LHFPL3: variants seen among roughly 807,000 people sequenced by gnomAD.
LHFPL3 encodes LHFPL tetraspan subfamily member 3 protein.
Under a neutral mutation model 19.3 loss-of-function variants are expected in LHFPL3, and 5 were observed. The ratio of observed to expected loss-of-function variants is 0.26; its 90% CI spans 0.14 to 0.54. The LOEUF is 0.54. Ranked by LOEUF, LHFPL3 falls within the 20% of genes least tolerant of loss-of-function variation. The pLI, the probability that LHFPL3 is intolerant of heterozygous loss-of-function variation, is 0.94. For missense variants in LHFPL3, 249 were observed against 307.4 expected (o/e 0.81, Z 1.42); for synonymous variants, 133 against 126.2 (o/e 1.05, Z -0.36).
At chr7:104,808,333 C>T (rs139531645) in intron 2 of LHFPL3, among the ~76,000 whole-genome samples, 84 of 152,322 alleles carry the variant, frequency 5.5e-4, no homozygotes, top group East Asian at 4.4e-3. Flanking sequence ...TATTATTAAT[C>T]TCATTTCAAA....
chr7:104,428,589 C>T (rs991780456), intron 1 of LHFPL3, among the ~76,000 whole-genome samples: 1 of 152,164 alleles, frequency 6.6e-6, no homozygotes. Flanking sequence ...TCTTACAGTA[C>T]AAAACGTCTA....
At chr7:104,797,027 G>A (rs1283141619) in intron 2 of LHFPL3, 1 of 152,570 alleles carries the variant, frequency 6.6e-6, no homozygotes, top group Admixed American at 6.5e-5. Context: ...ATTGTATCTC[G>A]TCTTCTTTCC....
intron 1 of LHFPL3, among the ~76,000 whole-genome samples, chr7:104,417,378 A>G (rs558577176): frequency 2.8e-4 from 43 of 152,342 alleles, no homozygotes; most frequent in African/African-American, 9.4e-4. Context: ...TATTCCCAAT[A>G]TTAAGTGATT....
chr7:104,687,030 A>G (rs759286497), intron 1 of LHFPL3, among the ~76,000 whole-genome samples: 1 of 152,124 alleles, frequency 6.6e-6, no homozygotes, highest in African/African-American at 2.4e-5. Context: ...CCCCCAACAC[A>G]TGGGGATTGC....
intron 1 of LHFPL3, among the ~76,000 whole-genome samples, chr7:104,443,045 C>G (rs930999849): frequency 6.6e-6 from 1 of 152,052 alleles, no homozygotes; most frequent in African/African-American, 2.4e-5. Flanking sequence ...TGGAAGAGTA[C>G]CAATAGTTTA....
intron 2 of LHFPL3, among the ~76,000 whole-genome samples, chr7:104,903,441 C>G (rs1026378821): frequency 6.6e-6 from 1 of 151,220 alleles, no homozygotes; most frequent in African/African-American, 2.4e-5. Flanking sequence ...TGTGGTCTCC[C>G]TATTCATCCT....
At chr7:104,656,505 A>G (rs1467120653) in intron 1 of LHFPL3, among the ~76,000 whole-genome samples, 1 of 152,234 alleles carries the variant, frequency 6.6e-6, no homozygotes. Flanking sequence ...CCAGCTGATC[A>G]GATCTCCCAG....
intron 1 of LHFPL3, among the ~76,000 whole-genome samples, chr7:104,425,191 T>C (rs1791820580): frequency 6.6e-6 from 1 of 151,236 alleles, no homozygotes; most frequent in Non-Finnish European, 1.5e-5. Flanking sequence ...GGGAATGAGA[T>C]AGGAAGCAGA....
chr7:104,456,503 C>T (rs77140962), intron 1 of LHFPL3, among the ~76,000 whole-genome samples: 4,014 of 152,202 alleles, frequency 0.026, 161 homozygotes, highest in African/African-American at 0.091. Flanking sequence ...ATAAACTGTG[C>T]GTGGATTTCT....
intron 2 of LHFPL3, among the ~76,000 whole-genome samples, chr7:104,840,026 AGATT>A (rs906404413): frequency 3.5e-5 from 5 of 144,126 alleles, no homozygotes; most frequent in African/African-American, 1.2e-4. Flanking sequence ...ATACATATTA[AGATT>A]AATTGACAAT....
intron 1 of LHFPL3, among the ~76,000 whole-genome samples, chr7:104,635,072 A>G (rs1791707190): frequency 6.6e-6 from 1 of 152,224 alleles, no homozygotes; most frequent in Non-Finnish European, 1.5e-5. Flanking sequence ...ATTAAAGAAT[A>G]TGTAAAAACA....
chr7:104,478,888 C>T (rs981946740), intron 1 of LHFPL3, among the ~76,000 whole-genome samples: 4 of 152,172 alleles, frequency 2.6e-5, no homozygotes, highest in African/African-American at 9.7e-5. Context: ...ACCAGGACAA[C>T]ATTGCCCCGG....
chr7:104,872,408 G>T (rs893360944), intron 2 of LHFPL3, among the ~76,000 whole-genome samples: 1 of 151,950 alleles, frequency 6.6e-6, no homozygotes, highest in African/African-American at 2.4e-5. Context: ...ACTTTAGGAG[G>T]CCAAGGTGGG....
chr7:104,333,146 G>C (rs1801602867), intron 1 of LHFPL3, among the ~76,000 whole-genome samples: 1 of 152,154 alleles, frequency 6.6e-6, no homozygotes, highest in Non-Finnish European at 1.5e-5. Context: ...TGGTTTCTGA[G>C]TCTACTAATA....
chr7:104,522,993 TGC>T (rs1271599563), intron 1 of LHFPL3, among the ~76,000 whole-genome samples: 1 of 150,784 alleles, frequency 6.6e-6, no homozygotes, highest in African/African-American at 2.4e-5. Context: ...TGTGTGTGTA[TGC>T]ACACATATAT....
At chr7:104,530,903 T>C (rs1415200943) in intron 1 of LHFPL3, among the ~76,000 whole-genome samples, 1 of 152,232 alleles carries the variant, frequency 6.6e-6, no homozygotes, top group Non-Finnish European at 1.5e-5. Flanking sequence ...GTACACGATA[T>C]CGATTTACAC....
At chr7:104,864,670 G>C (rs1003161458) in intron 2 of LHFPL3, among the ~76,000 whole-genome samples, 1 of 152,202 alleles carries the variant, frequency 6.6e-6, no homozygotes, top group Non-Finnish European at 1.5e-5. Flanking sequence ...CTGGGGGCAG[G>C]CCATTGCCAA....
intron 1 of LHFPL3, among the ~76,000 whole-genome samples, chr7:104,735,922 G>C (rs1490401443): frequency 2.0e-5 from 3 of 152,234 alleles, no homozygotes; most frequent in Non-Finnish European, 4.4e-5. Flanking sequence ...TGTGAAGAGT[G>C]CTGTAATAAC....
chr7:104,416,426 A>G (rs1290626973), intron 1 of LHFPL3, among the ~76,000 whole-genome samples: 2 of 152,304 alleles, frequency 1.3e-5, no homozygotes, highest in East Asian at 3.9e-4. Flanking sequence ...ACCACCCATC[A>G]CTGTATCACC....
Sources: allele counts gnomAD v4.1 joint callset (sites outside exome capture counted in the v4.1 genomes callset), GRCh38; gene constraint gnomAD v4.1.1; transcripts MANE v1.5; gene names NCBI Gene and HGNC (gene_info 2026-07-23, HGNC 2026-07-21).